The following CCT4 variants were observed in gnomAD, a reference collection of about 807,000 sequenced individuals.
The protein encoded by CCT4 is T-complex protein 1 subunit delta.
In CCT4, 17 loss-of-function variants were observed where a neutral mutation model predicts 62.5. The observed-to-expected ratio is 0.27, with a 90% CI of 0.19 to 0.41. CCT4 has a LOEUF of 0.41. Among genes scored for constraint, CCT4 ranks in the 10% least tolerant of loss-of-function variants. CCT4 has a pLI of 1.00. For missense variants in CCT4, 592 were observed against 659.2 expected, an observed-to-expected ratio of 0.90 and a Z score of 1.12; for synonymous variants, 250 against 229.9, an observed-to-expected ratio of 1.09 and a Z score of -0.79.
intron 3 of CCT4, 152 bp from the exon 4 acceptor site, chr2:61,880,546 T>C (rs1166779530): frequency 3.3e-6 from 2 of 597,358 alleles, no homozygotes; most frequent in East Asian, 3.0e-5. Flanking sequence ...TTGGGTTTCA[T>C]TTAAAATTAA....
rs373138541 is a variant in CCT4 at position 61,887,749 on chromosome 2, G to C, written c.127+632C>G. Among the ~76,000 whole-genome samples the C allele has an allele frequency of 3.3e-5, 5 of 152,148 alleles. No homozygotes were observed. In the East Asian group the frequency reaches 7.7e-4, roughly 23 times the overall value. On this transcript the variant is annotated intron_variant, in intron 1 of 13. Coordinates refer to ENST00000394440, the MANE Select transcript of CCT4 (RefSeq NM_006430.4). Reference sequence around the variant, plus strand: ...AACTCTGGTCTTCCTGATTTCCAACGTGTGCCACACACTTCCACAAAAAAA... The same window carrying C: ...AACTCTGGTCTTCCTGATTTCCAACCTGTGCCACACACTTCCACAAAAAAA...
chr2:61,869,380 C>G lies in CCT4; in HGVS notation c.1605+60G>C, dbSNP rs987655248. Reference sequence around the variant, plus strand: ...CCAAACAACAACAACAACAAAAAACCTTTAAAAAATATATGCCTTTTTGAC... The same window carrying G: ...CCAAACAACAACAACAACAAAAAACGTTTAAAAAATATATGCCTTTTTGAC... On this transcript the variant is annotated intron_variant, in intron 13 of 13. Coordinates refer to ENST00000394440, the MANE Select transcript of CCT4 (RefSeq NM_006430.4). 9 of 949,670 alleles carry G rather than the reference C, an allele frequency of 9.5e-6. No homozygotes were observed. In the African/African-American group the frequency reaches 1.5e-4, roughly 16 times the overall value. 58.8% of individuals were successfully genotyped at this position (949,670 alleles called of 1,614,324 possible). A position where few individuals can be genotyped will look rare whatever the true frequency, so the allele number is the denominator to read the frequency against.
chr2:61,869,850 G>C (rs1228851766), intron 12 of CCT4, among the ~76,000 whole-genome samples: 1 of 151,146 alleles, frequency 6.6e-6, no homozygotes, highest in Non-Finnish European at 1.5e-5. Context: ...AGCCAGGATG[G>C]TCTCATCTCC....
rs184610212 is a variant in CCT4, at chr2:61,877,270, C to A, written c.644+123G>T. The A allele has an allele frequency of 6.9e-5, 76 of 1,105,314 alleles. No homozygotes were observed. In the African/African-American group the frequency reaches 1.1e-3, roughly 16 times the overall value. The allele number at this position is 1,105,314 out of a possible 1,614,324, so 68.5% of individuals were successfully genotyped here. A position where few individuals can be genotyped will look rare whatever the true frequency, so the allele number is the denominator to read the frequency against. ...ATGCCCATACTAATACAAATTCTCA[C>A]GAAAACAAAACCAAAAAGAGAAAAG... is the stretch of plus-strand genomic sequence containing the variant. On this transcript the variant is annotated intron_variant, in intron 6 of 13. Transcript: ENST00000394440.
chr2:61,883,504 A>G lies in CCT4; in HGVS notation c.225T>C (p.Ala75=), dbSNP rs774794982. 6.2e-6 allele frequency: 10 copies of G among 1,601,966 alleles called. No homozygotes were observed. The highest frequency in any genetic ancestry group is 5.6e-5 in the South Asian group (5 of 89,278). Residue 75 remains alanine, a synonymous_variant, in exon 3 of 14, where the codon GCT becomes GCC. Transcript: ENST00000394440. ...ATACTTGCATTTGTTTCAGAATGGT[A>G]GCACCATCATTTGTAATGGTTACAT... The part of the protein sequence containing the change: ...KGDVTITNDG[A]TILKQMQVLH...
In CCT4 at chr2:61,878,893, A is replaced by G. The variant is rs143874677; in HGVS notation, c.498T>C (p.Ser166=). The G allele has an allele frequency of 2.4e-4, 380 of 1,610,352 alleles. 1 individual carries two copies. The African/African-American group carries it at 4.1e-3, about 17-fold the overall frequency. Reference sequence around the variant, plus strand: ...CCTTTGAGTTCAGTGAAGTGGTTGCACTATTTAACAAAGTTTCTCTGTCAC... The same window carrying G: ...CCTTTGAGTTCAGTGAAGTGGTTGCGCTATTTAACAAAGTTTCTCTGTCAC... ...ELSDRETLLN[S]ATTSLNSKVV... is the part of the protein sequence containing the mutation. Residue 166 remains serine, a synonymous_variant, in exon 5 of 14, where the codon AGT becomes AGC. Transcript: ENST00000394440.
At chr2:61,878,413 T>A (rs1006929479) in intron 5 of CCT4, among the ~76,000 whole-genome samples, 1 of 152,106 alleles carries the variant, frequency 6.6e-6, no homozygotes, top group African/African-American at 2.4e-5. Flanking sequence ...GATAAGTTAC[T>A]CCTCTAGATC....
At chr2:61,869,583 T>C (rs1668842011) in intron 12 of CCT4, 30 bp from the exon 13 acceptor site, 3 of 1,289,060 alleles carry the variant, frequency 2.3e-6, no homozygotes, top group Non-Finnish European at 3.4e-6. Flanking sequence ...AAGTTGCTTT[T>C]AGTGTCTGTG....
At position 61,872,119 on chromosome 2, in the gene CCT4, G is replaced by A; in HGVS notation, c.1454C>T (p.Ala485Val). 1.2e-6 allele frequency: 2 copies of A among 1,613,552 alleles called. No individual in the cohort carries two copies. Among genetic ancestry groups the A allele is most frequent in the East Asian group, 2.2e-5 (1 of 44,876 alleles). ...STVTELRNRH[A>V]QGEKTAGINV... Reference sequence around the variant, plus strand: ...AATGCCTGCAGTTTTTTCTCCCTGGGCATGCCGGTTTCTTAGTTCTGTTAC... The same window carrying A: ...AATGCCTGCAGTTTTTTCTCCCTGGACATGCCGGTTTCTTAGTTCTGTTAC... Residue 485 changes from alanine (A) to valine (V), a missense_variant, in exon 12 of 14, where the codon GCC becomes GTC. This residue lies in a region of CCT4 where 522 missense variants were observed against 571.2 expected (regional missense o/e 0.91). Transcript: ENST00000394440.
In CCT4 at chr2:61,869,227, T is replaced by C. The variant is rs1668834337; in HGVS notation, c.1605+213A>G. 2.1e-5 allele frequency among the ~76,000 whole-genome samples: 3 copies of C among 145,454 alleles called. No individual in the cohort carries two copies. The South Asian group carries it at 6.5e-4, about 31-fold the overall frequency. ...GGCTCACACCTGTAATCCCAGCTAC[T>C]CAGGAGGATGAGACAGGAGAATCAC... is the stretch of plus-strand genomic sequence containing the variant. On this transcript the variant is annotated intron_variant, in intron 13 of 13. Transcript: ENST00000394440.
intron 13 of CCT4, among the ~76,000 whole-genome samples, chr2:61,869,141 C>CAA (rs1668831752): frequency 3.2e-5 from 1 of 31,194 alleles, no homozygotes; most frequent in African/African-American, 1.1e-4. Context: ...GACTTCGTCT[C>CAA]AGAAAAAAAA....
In CCT4 at chr2:61,873,193, T is replaced by C. The variant is rs753495416; in HGVS notation, c.1014+4A>G. 2.8e-6 allele frequency: 4 copies of C among 1,445,986 alleles called. No homozygotes were observed. In the South Asian group the frequency reaches 4.6e-5, roughly 17 times the overall value. 89.6% of individuals were successfully genotyped at this position (1,445,986 alleles called of 1,614,324 possible). ...TTCCACAAATACAGATGTTAATGTT[T>C]TACCTTACAAATGAATTCAATGTCT... is the stretch of plus-strand genomic sequence containing the variant. On this transcript the variant is annotated splice_donor_region_variant and intron_variant, in intron 9 of 13. Transcript: ENST00000394440.
At chr2:61,883,781 C>G (rs201318601) in intron 2 of CCT4, among the ~76,000 whole-genome samples, 444 of 96,424 alleles carry the variant, frequency 4.6e-3, no homozygotes, top group African/African-American at 9.3e-3. Context: ...TAGACACACA[C>G]ACACACACAC....
intron 3 of CCT4, among the ~76,000 whole-genome samples, chr2:61,882,724 T>C (rs929443209): frequency 2.0e-5 from 3 of 152,098 alleles, no homozygotes; most frequent in African/African-American, 7.2e-5. Context: ...TTGGCCAAGC[T>C]GGTCTCAAAC....
chr2:61,872,442 G>C lies in CCT4; in HGVS notation c.1256+16C>G. The C allele has an allele frequency of 6.3e-7, 1 of 1,594,960 alleles. No homozygotes were observed. The highest frequency in any genetic ancestry group is 1.1e-5 in the South Asian group (1 of 88,172). ...AATGTTCAAAATGTTACTTAATAAT[G>C]TAACACTGACATTACCTCTTCTTCA... On this transcript the variant is annotated intron_variant, in intron 11 of 13. Coordinates refer to ENST00000394440, the MANE Select transcript of CCT4 (RefSeq NM_006430.4).
At chr2:61,875,772 T>A (rs1265096323) in intron 8 of CCT4, among the ~76,000 whole-genome samples, 3 of 152,142 alleles carry the variant, frequency 2.0e-5, no homozygotes, top group Non-Finnish European at 4.4e-5. Flanking sequence ...AAACCTACTT[T>A]TTTTTGTAAA....
At chr2:61,871,898 C>T (rs1383278614) in intron 12 of CCT4, among the ~76,000 whole-genome samples, 184 bp downstream of exon 12, 2 of 152,174 alleles carry the variant, frequency 1.3e-5, no homozygotes, top group Non-Finnish European at 1.5e-5. Context: ...AATAATACTT[C>T]CCCCTAAGGT....
rs754381518 is a variant in CCT4, at chr2:61,888,559, T to A, written c.-52A>T. 2 of 1,586,144 alleles carry A rather than the reference T, an allele frequency of 1.3e-6. No homozygotes were observed. The highest frequency in any genetic ancestry group is 2.2e-5 in the South Asian group (2 of 89,080). ...CTCGGGAAGGACGGATGGACCCGGA[T>A]TCTGGCCGGCCGCAGTGTAATAACG... is the stretch of plus-strand genomic sequence containing the variant. On this transcript the variant is annotated 5_prime_UTR_variant, in exon 1 of 14. Coordinates refer to ENST00000394440, the MANE Select transcript of CCT4 (RefSeq NM_006430.4).
In CCT4 at chr2:61,874,842, T is replaced by C. The variant is rs1462554793; in HGVS notation, c.917+1253A>G. 5.3e-5 allele frequency among the ~76,000 whole-genome samples: 8 copies of C among 152,130 alleles called. No individual in the cohort carries two copies. In the South Asian group the frequency reaches 1.5e-3, roughly 28 times the overall value. The stretch of plus-strand genomic sequence containing the variant: ...TTGGTCTAGGTAAGATTATATATCC[T>C]ACATTTAAAAGGGAAGATAGGGCCG... On this transcript the variant is annotated intron_variant, in intron 8 of 13. Coordinates refer to ENST00000394440, the MANE Select transcript of CCT4 (RefSeq NM_006430.4).
Sources: allele counts gnomAD v4.1 joint callset (sites outside exome capture counted in the v4.1 genomes callset), GRCh38; gene constraint gnomAD v4.1.1; regional missense constraint gnomAD v4.1.1; transcripts MANE v1.5; gene names NCBI Gene and HGNC (gene_info 2026-07-23, HGNC 2026-07-21).